Variants in ZMAT1 observed in about 807,000 individuals in gnomAD.
ZMAT1 encodes zinc finger matrin-type protein 1.
In ZMAT1, 11 loss-of-function variants were observed where a neutral mutation model predicts 18.5. The ratio of observed to expected loss-of-function variants is 0.59; its 90% CI spans 0.37 to 0.98. ZMAT1 has a LOEUF of 0.98. Among genes scored for constraint, ZMAT1 ranks in the 50% least tolerant of loss-of-function variants. ZMAT1 has a pLI of 0.01. For missense variants in ZMAT1, 525 were observed against 496.2 expected (o/e 1.06, Z -0.55); for synonymous variants, 211 against 176.4 (o/e 1.20, Z -1.55).
intron 1 of ZMAT1, 35 bp downstream of exon 1, chrX:101,931,682 T>G: frequency 1.3e-6 from 1 of 756,088 alleles, no homozygotes; most frequent in Non-Finnish European, 1.6e-6. Flanking sequence ...GCGAAGGAGA[T>G]GGGGCCGCCC....
intron 2 of ZMAT1, among the ~76,000 whole-genome samples, chrX:101,900,992 AGT>A (rs1367477865): frequency 1.8e-5 from 2 of 111,363 alleles, no homozygotes. Flanking sequence ...TTCTTTCAGC[AGT>A]GTTTTGTAGT....
chrX:101,912,132 T>C (rs1929011258), intron 1 of ZMAT1: 1 of 870,542 alleles, frequency 1.1e-6, no homozygotes, highest in Non-Finnish European at 1.6e-6. Context: ...CATCCTTTTC[T>C]AGATTTGACT....
chrX:101,910,129 G>T (rs1928862336), intron 1 of ZMAT1, among the ~76,000 whole-genome samples: 1 of 112,472 alleles, frequency 8.9e-6, no homozygotes, highest in African/African-American at 3.2e-5. Flanking sequence ...AAGAGTATCT[G>T]CCTGGTCATA....
intron 4 of ZMAT1, among the ~76,000 whole-genome samples, chrX:101,894,165 C>A (rs1290967336): frequency 9.0e-6 from 1 of 111,408 alleles, no homozygotes; most frequent in South Asian, 3.8e-4. Flanking sequence ...TTATTCAGTA[C>A]AAATCACCTA....
rs188025540 is a variant in ZMAT1, at chrX:101,900,059, C to T, written c.400-1839G>A. ...TTTGCATTTCCTTGATCATTAGTGA[C>T]GTGGAGCATTTTTTCTTGTGTTTGT... is the stretch of plus-strand genomic sequence containing the variant. On this transcript the variant is annotated intron_variant, in intron 2 of 5. Transcript: ENST00000651725. 1.9e-3 allele frequency among the ~76,000 whole-genome samples: 210 copies of T among 111,724 alleles called. 1 individual carries two copies. The highest frequency in any genetic ancestry group is 2.1e-3 in the Non-Finnish European group (111 of 53,088).
At chrX:101,892,856 C>T in intron 4 of ZMAT1, 1 of 317,209 alleles carries the variant, frequency 3.2e-6, no homozygotes, top group South Asian at 1.6e-4. Context: ...GAGAGGAAGG[C>T]AGACAGAAGA....
At chrX:101,931,506 G>A (rs974926943) in intron 1 of ZMAT1, 1 of 750,389 alleles carries the variant, frequency 1.3e-6, no homozygotes, top group African/African-American at 2.3e-5. Flanking sequence ...CTTTACAGGT[G>A]GGAGAGGTAG....
intron 1 of ZMAT1, chrX:101,915,634 G>T (rs1362062526): frequency 8.9e-6 from 1 of 112,271 alleles, no homozygotes; most frequent in African/African-American, 3.2e-5. Flanking sequence ...ATGATACAGA[G>T]AAAATTAGCA....
chrX:101,889,537 T>C (rs1004404995), intron 4 of ZMAT1: 2 of 111,883 alleles, frequency 1.8e-5, no homozygotes, highest in African/African-American at 6.5e-5. Context: ...CTTGGCTCCA[T>C]ATAAAAATCA....
rs556526625 is a variant in ZMAT1, at chrX:101,931,914, G to A, written c.95C>T (p.Ala32Val). 138 of 798,832 alleles carry A rather than the reference G, an allele frequency of 1.7e-4. No individual in the cohort carries two copies. The South Asian group carries it at 3.1e-3, about 18-fold the overall frequency. The allele number at this position is 798,832 out of a possible 1,213,427, so 65.8% of individuals were successfully genotyped here. The change falls in exon 1 of 6, where the codon GCC (alanine) becomes GTC (valine). Residue 32 changes from alanine (A) to valine (V), a missense_variant. Coordinates refer to ENST00000651725, the MANE Select transcript of ZMAT1 (RefSeq NM_001394560.1). ...CGCCGCCGCCGCCGCTGCCGCGCAG[G>A]CGGTGTAGGAGGAGGAGGAGGCGGC... The part of the protein sequence containing the change: ...VSAASSSSYT[A>V]CAAAAAAAAA...
At position 101,884,260 on chromosome X, in the gene ZMAT1, A is replaced by G. The variant is rs751577134; in HGVS notation, c.1338T>C (p.Tyr446=). Residue 446 remains tyrosine (Y), a synonymous_variant, in exon 6 of 6, where the codon TAT becomes TAC. Coordinates refer to ENST00000651725, the MANE Select transcript of ZMAT1 (RefSeq NM_001394560.1). ...CTTCAAGTTCATCTTGGAAAGAATC[A>G]TATGTCCTCTTTGAATGGGTTGGTA... The part of the protein sequence containing the change: ...QWLPTHSKRT[Y]DSFQDELEDY... 2.9e-5 allele frequency: 35 copies of G among 1,209,808 alleles called. No individual in the cohort carries two copies. The highest frequency in any genetic ancestry group is 3.8e-5 in the Non-Finnish European group (34 of 894,703).
At position 101,929,423 on chromosome X, in the gene ZMAT1, TTATATATATATATATA is replaced by T. The variant is rs771032732; in HGVS notation, c.292+2278_292+2293del. ...TATATATTCTATATATAGAGAGAGA[TTATATATATATATATA>T]TATATATATATATATATACACACAG... On this transcript the variant is annotated intron_variant, in intron 1 of 5. Transcript: ENST00000651725. Among the ~76,000 whole-genome samples the T allele has an allele frequency of 3.9e-3, 279 of 71,300 alleles. 2 individuals carry two copies. The highest frequency in any genetic ancestry group is 0.012 in the African/African-American group (261 of 21,501). 61.9% of individuals were successfully genotyped at this position (71,300 alleles called of 115,157 possible). A position where few individuals can be genotyped will look rare whatever the true frequency, so the allele number is the denominator to read the frequency against.
chrX:101,887,583 CAA>C (rs1056786031), intron 4 of ZMAT1: 8 of 110,987 alleles, frequency 7.2e-5, no homozygotes, highest in African/African-American at 2.6e-4. Flanking sequence ...TCTTTTAAAC[CAA>C]AAAGTGACCT....
chrX:101,930,404 G>A (rs1254517376), intron 1 of ZMAT1, among the ~76,000 whole-genome samples: 1 of 112,410 alleles, frequency 8.9e-6, no homozygotes, highest in African/African-American at 3.2e-5. Flanking sequence ...AAACATTACA[G>A]TGTACTTCTA....
rs1930547191 is a variant in ZMAT1 at position 101,931,994 on chromosome X, C to G, written c.15G>C (p.Pro5=). The G allele has an allele frequency of 1.7e-5, 13 of 767,989 alleles. No individual in the cohort carries two copies. Among genetic ancestry groups the G allele is most frequent in the Non-Finnish European group, 2.0e-5 (13 of 648,347 alleles). The allele number at this position is 767,989 out of a possible 1,213,427, so 63.3% of individuals were successfully genotyped here. A position where few individuals can be genotyped will look rare whatever the true frequency, so the allele number is the denominator to read the frequency against. MAAA[P]STVTPLAAES... is the part of the protein sequence containing the mutation. ...CCGCCGCCAGCGGGGTGACTGTGCT[C>G]GGCGCCGCCGCCATCGCAGCGAGGC... The change falls in exon 1 of 6, where the codon CCG becomes CCC. Residue 5 remains proline, a synonymous_variant. Transcript: ENST00000651725.
intron 1 of ZMAT1, among the ~76,000 whole-genome samples, chrX:101,919,017 G>T (rs1929545434): frequency 9.0e-6 from 1 of 110,544 alleles, no homozygotes; most frequent in Admixed American, 9.6e-5. Flanking sequence ...ACAAGTTCTT[G>T]GTCTCTCTTT....
Position 101,884,573 on chromosome X carries a change from T to C in ZMAT1, c.1025A>G (p.Asn342Ser), listed in dbSNP as rs1350518919. The change falls in exon 6 of 6, where the codon AAT becomes AGT. Residue 342 changes from asparagine to serine, a missense_variant. Coordinates refer to ENST00000651725, the MANE Select transcript of ZMAT1 (RefSeq NM_001394560.1). ...CTGCTTTTCCATTGCTTGTGAAATA[T>C]TGTATGGTGCTGCGTATGTCCGGAA... The part of the protein sequence containing the change: ...ETFRTYAAPY[N>S]ISQAMEKQLP... The C allele has an allele frequency of 5.8e-6, 7 of 1,211,169 alleles. No individual in the cohort carries two copies. The highest frequency in any genetic ancestry group is 4.4e-5 in the Admixed American group (2 of 45,935).
intron 4 of ZMAT1, chrX:101,895,984 C>A: frequency 2.8e-6 from 1 of 357,662 alleles, no homozygotes. Context: ...AAAACCCACT[C>A]CCTGGACTTT....
intron 1 of ZMAT1, among the ~76,000 whole-genome samples, chrX:101,909,843 G>C (rs149487870): frequency 1.8e-5 from 2 of 112,504 alleles, no homozygotes; most frequent in East Asian, 5.6e-4. Context: ...AGAGATTAGG[G>C]GACCTCGCCA....
Sources: allele counts gnomAD v4.1 joint callset (sites outside exome capture counted in the v4.1 genomes callset), GRCh38; gene constraint gnomAD v4.1.1; transcripts MANE v1.5; gene names NCBI Gene and HGNC (gene_info 2026-07-23, HGNC 2026-07-21).